Variants in MIPOL1 observed in about 807,000 individuals in gnomAD.
MIPOL1 encodes mirror-image polydactyly 1, also known as mirror-image polydactyly gene 1 protein.
A neutral mutation model predicts 60.9 loss-of-function variants in MIPOL1; 57 were observed. The ratio of observed to expected loss-of-function variants is 0.94; its 90% CI spans 0.76 to 1.17. MIPOL1 has a LOEUF of 1.17. Ranked by LOEUF, MIPOL1 falls within the 50% of genes most tolerant of loss-of-function variation. MIPOL1 has a pLI of 0.00. For synonymous variants in MIPOL1, 179 were observed against 168.8 expected, an observed-to-expected ratio of 1.06 and a Z score of -0.47; for missense variants, 551 against 511.6, an observed-to-expected ratio of 1.08 and a Z score of -0.74.
intron 10 of MIPOL1, among the ~76,000 whole-genome samples, chr14:37,371,887 T>C (rs2092649866): frequency 6.6e-6 from 1 of 152,142 alleles, no homozygotes; most frequent in African/African-American, 2.4e-5. Context: ...ATAAGTTTAC[T>C]ACCAAGCTAT....
At chr14:37,395,928 G>A (rs2093363473) in intron 10 of MIPOL1, among the ~76,000 whole-genome samples, 1 of 152,086 alleles carries the variant, frequency 6.6e-6, no homozygotes, top group Non-Finnish European at 1.5e-5. Context: ...TCTCCTGAAG[G>A]CAGCAGATAG....
chr14:37,435,799 T>A (rs140362100), intron 11 of MIPOL1, among the ~76,000 whole-genome samples: 2 of 81,384 alleles, frequency 2.5e-5, no homozygotes, highest in East Asian at 7.6e-4. Context: ...GTATTACTTT[T>A]GTATATTATA....
At chr14:37,208,521 A>G (rs975066247) in intron 1 of MIPOL1, among the ~76,000 whole-genome samples, 1 of 152,226 alleles carries the variant, frequency 6.6e-6, no homozygotes, top group East Asian at 1.9e-4. Flanking sequence ...CATGAAAAGT[A>G]TATAAAACAT....
At chr14:37,516,922 G>A (rs866467161) in intron 12 of MIPOL1, among the ~76,000 whole-genome samples, 1 of 152,006 alleles carries the variant, frequency 6.6e-6, no homozygotes, top group Non-Finnish European at 1.5e-5. Context: ...CAATAATAGC[G>A]TTCTTGTTTC....
chr14:37,499,874 A>G (rs2095189873), intron 11 of MIPOL1, 34 bp from the exon 12 acceptor site: 2 of 1,191,456 alleles, frequency 1.7e-6, no homozygotes, highest in Admixed American at 2.2e-5. Flanking sequence ...AGTTTACATT[A>G]CTTATCTTTA....
At chr14:37,210,004 C>G (rs539071849) in intron 1 of MIPOL1, among the ~76,000 whole-genome samples, 1 of 152,116 alleles carries the variant, frequency 6.6e-6, no homozygotes, top group East Asian at 1.9e-4. Flanking sequence ...CCACTGCACC[C>G]TGCCAGATGG....
intron 9 of MIPOL1, among the ~76,000 whole-genome samples, chr14:37,340,242 T>C (rs998753430): frequency 6.6e-6 from 1 of 152,086 alleles, no homozygotes; most frequent in African/African-American, 2.4e-5. Flanking sequence ...TTTTTGTCTT[T>C]GTTTAAAAAA....
rs1249828584 is a variant in MIPOL1, at chr14:37,549,665, C to T, written c.*2694C>T. On this transcript the variant is annotated 3_prime_UTR_variant, in exon 13 of 13. Transcript: ENST00000684589. ...ATAGTACCATCTCTTTCACATACTA[C>T]ATACAAATTCCCTAATAATCAAAAG... The T allele has an allele frequency of 1.3e-5, 2 of 151,878 alleles. No individual in the cohort carries two copies. Among genetic ancestry groups the T allele is most frequent in the East Asian group, 1.9e-4 (1 of 5,184 alleles). The allele number at this position is 151,878 out of a possible 1,614,324, so 9.4% of individuals were successfully genotyped here. A position where few individuals can be genotyped will look rare whatever the true frequency, so the allele number is the denominator to read the frequency against.
chr14:37,434,984 G>A (rs756772052), intron 11 of MIPOL1, among the ~76,000 whole-genome samples: 1 of 151,848 alleles, frequency 6.6e-6, no homozygotes, highest in African/African-American at 2.4e-5. Flanking sequence ...AATTGACTAG[G>A]GCCAGGTAAA....
intron 11 of MIPOL1, among the ~76,000 whole-genome samples, chr14:37,459,811 A>T (rs1375954648): frequency 6.6e-6 from 1 of 152,168 alleles, no homozygotes; most frequent in African/African-American, 2.4e-5. Context: ...GTGGTGGCTC[A>T]TGCCTATAAT....
chr14:37,231,634 CATAATTAT>C (rs1249525980), intron 1 of MIPOL1, among the ~76,000 whole-genome samples: 5 of 151,906 alleles, frequency 3.3e-5, no homozygotes, highest in Admixed American at 6.6e-5. Flanking sequence ...TATCTGTGAT[CATAATTAT>C]ATAATTATAT....
intron 10 of MIPOL1, among the ~76,000 whole-genome samples, chr14:37,379,766 A>G (rs1173942674): frequency 2.0e-5 from 3 of 152,110 alleles, no homozygotes; most frequent in African/African-American, 7.2e-5. Context: ...AGAAAAATGT[A>G]AATTTTTTTT....
chr14:37,445,851 G>T (rs1056815895), intron 11 of MIPOL1, among the ~76,000 whole-genome samples: 1 of 152,132 alleles, frequency 6.6e-6, no homozygotes, highest in Non-Finnish European at 1.5e-5. Flanking sequence ...AAATGGTGCT[G>T]GGAAAACTGG....
At chr14:37,218,513 A>G (rs943047650) in intron 1 of MIPOL1, among the ~76,000 whole-genome samples, 3 of 151,978 alleles carry the variant, frequency 2.0e-5, no homozygotes, top group African/African-American at 2.4e-5. Context: ...AAGTGTGTTG[A>G]GGTCTGTTTG....
At chr14:37,451,837 C>T (rs2094423553) in intron 11 of MIPOL1, among the ~76,000 whole-genome samples, 1 of 99,218 alleles carries the variant, frequency 1.0e-5, no homozygotes, top group African/African-American at 8.3e-5. Flanking sequence ...TTTTTTGAGA[C>T]GGAGTCTCGC....
rs545643764 is a variant in MIPOL1 at position 37,234,201 on chromosome 14, G to T, written c.-198-12902G>T. Among the ~76,000 whole-genome samples the T allele has an allele frequency of 1.9e-3, 294 of 152,198 alleles. 1 individual carries two copies. The highest frequency in any genetic ancestry group is 3.0e-3 in the Non-Finnish European group (203 of 68,014). On this transcript the variant is annotated intron_variant, in intron 1 of 12. Transcript: ENST00000684589. ...AGCTGATTCCATTGAGACGTCTGTG[G>T]TGTTAGTTATTGTTTCTGCTGTTAA...
chr14:37,484,757 T>C (rs2094922542), intron 11 of MIPOL1, among the ~76,000 whole-genome samples: 1 of 152,198 alleles, frequency 6.6e-6, no homozygotes, highest in African/African-American at 2.4e-5. Flanking sequence ...TTATTCTTTC[T>C]CTGTCCCTTC....
chr14:37,464,097 T>C (rs1479720351), intron 11 of MIPOL1, among the ~76,000 whole-genome samples: 1 of 152,118 alleles, frequency 6.6e-6, no homozygotes, highest in Non-Finnish European at 1.5e-5. Flanking sequence ...TTATAAAATG[T>C]CAGAAAACAA....
At chr14:37,520,237 G>A (rs1004985610) in intron 12 of MIPOL1, among the ~76,000 whole-genome samples, 1 of 152,140 alleles carries the variant, frequency 6.6e-6, no homozygotes, top group South Asian at 2.1e-4. Context: ...GATGTTGCCT[G>A]TCTTTTGAAT....
Sources: gnomAD v4.1 joint callset for allele counts (sites outside exome capture counted in the v4.1 genomes callset) on GRCh38, gnomAD v4.1.1 for gene constraint, MANE v1.5 for transcripts, NCBI Gene and HGNC (gene_info 2026-07-23, HGNC 2026-07-21) for gene names.